PRAMEF19: variants seen among roughly 807,000 people sequenced by gnomAD.
PRAMEF19 encodes the protein PRAME family member-like.
PRAMEF19 carries 21 observed loss-of-function variants against 33.1 expected under a neutral mutation model. The observed-to-expected ratio is 0.63, with a 90% CI of 0.45 to 0.91. The LOEUF is 0.91. Ranked by LOEUF, PRAMEF19 falls within the 40% of genes least tolerant of loss-of-function variation. PRAMEF19 has a pLI of 0.00. For synonymous variants in PRAMEF19, 179 were observed against 229.3 expected (o/e 0.78, Z 1.98); for missense variants, 481 against 585.2 (o/e 0.82, Z 1.84).
chr1:13,369,496 A>G, exon 3 of PRAMEF19: 1 of 1,613,970 alleles, frequency 6.2e-7, no homozygotes, highest in Non-Finnish European at 8.5e-7. Context: ...GGAGGGGCTC[A>G]AGACGGATGA....
At chr1:13,368,825 A>C (rs1347512442), downstream of PRAMEF19, among the ~76,000 whole-genome samples, 3 of 151,742 alleles carry the variant, frequency 2.0e-5, no homozygotes, top group African/African-American at 7.3e-5. Context: ...TTTATAATAC[A>C]CCTATAGACC....
exon 3 of PRAMEF19, chr1:13,369,217 G>A (rs745582036): frequency 6.2e-7 from 1 of 1,611,898 alleles, no homozygotes; most frequent in African/African-American, 1.3e-5. Context: ...GAAGTGGGGT[G>A]AGGAGCTCCG....
chr1:13,369,219 G>A, exon 3 of PRAMEF19: 2 of 1,612,012 alleles, frequency 1.2e-6, no homozygotes, highest in South Asian at 2.2e-5. Flanking sequence ...AGTGGGGTGA[G>A]GAGCTCCGAA....
chr1:13,370,611 G>A (rs1158828851), intron 2 of PRAMEF19, 38 bp downstream of exon 2: 34 of 1,612,426 alleles, frequency 2.1e-5, no homozygotes, highest in Non-Finnish European at 2.8e-5. Context: ...AAAAGGCTGT[G>A]CTGTGTCCCC....
exon 3 of PRAMEF19, chr1:13,369,522 G>A (rs1640644671): frequency 6.2e-7 from 1 of 1,613,948 alleles, no homozygotes; most frequent in Non-Finnish European, 8.5e-7. Context: ...AGTGTACCAT[G>A]ACTCAGATTC....
In PRAMEF19 at chr1:13,369,335, A is replaced by G. The variant is rs1319963622; in HGVS notation, c.1172T>C (p.Met391Thr). 15 of 1,612,066 alleles carry G rather than the reference A, an allele frequency of 9.3e-6. No homozygotes were observed. The African/African-American group carries it at 1.7e-4, about 19-fold the overall frequency. The change falls in exon 3 of 3, where the codon ATG becomes ACG. Residue 391 changes from methionine (M) to threonine (T), a missense_variant. Met to Thr is a moderately conservative substitution (Grantham distance 81). Coordinates refer to ENST00000376101, the Ensembl canonical transcript of PRAMEF19. ...GCGCAGCAGGTCCTTCAGACCATCC[A>G]TGGACGTGTCATTGCCGTGAAAGCA...
At chr1:13,371,895 G>A (rs1640677114) in exon 1 of PRAMEF19, 3 of 1,612,010 alleles carry the variant, frequency 1.9e-6, no homozygotes, top group African/African-American at 2.7e-5. Context: ...GGGCCTGGAA[G>A]CTCATCCTGA....
exon 1 of PRAMEF19, chr1:13,371,797 A>T: frequency 2.5e-6 from 4 of 1,611,608 alleles, no homozygotes; most frequent in Non-Finnish European, 3.4e-6. Context: ...TCGGGGGAAG[A>T]GCTCCCTGGG....
chr1:13,369,056 C>G, downstream of PRAMEF19: 1 of 1,611,928 alleles, frequency 6.2e-7, no homozygotes, highest in Non-Finnish European at 8.5e-7. Context: ...GCTTTTTATA[C>G]CTCCACCCCA....
At chr1:13,370,757 C>A (rs1283383837) in exon 2 of PRAMEF19, 2 of 1,613,756 alleles carry the variant, frequency 1.2e-6, no homozygotes, top group Non-Finnish European at 1.7e-6. Context: ...AACTAACTGT[C>A]CTTGGCTCTC....
chr1:13,369,615 A>G (rs1569833658), exon 3 of PRAMEF19: 17 of 1,613,814 alleles, frequency 1.1e-5, no homozygotes, highest in Non-Finnish European at 1.3e-5. Flanking sequence ...GTTAATGCCA[A>G]TGTCTCCAAC....
At chr1:13,369,320 T>C in exon 3 of PRAMEF19, 10 of 1,612,018 alleles carry the variant, frequency 6.2e-6, no homozygotes, top group Non-Finnish European at 8.5e-6. Context: ...GCGCAGCAGG[T>C]CCTTCAGACC....
rs1477106725 is a variant in PRAMEF19, at chr1:13,370,942, G to A, written c.573C>T (p.Asn191=). The A allele has an allele frequency of 5.6e-6, 9 of 1,613,432 alleles. No homozygotes were observed. The Admixed American group carries it at 6.7e-5, about 12-fold the overall frequency. The change falls in exon 2 of 3, where the codon AAC becomes AAT. Residue 191 remains asparagine (N), a synonymous_variant. Coordinates refer to ENST00000376101, the Ensembl canonical transcript of PRAMEF19. ...CTAATATGTTTCTGAAATTTAGAAT[G>A]TTCATTGAATAATTTACCACCTTAG... is the stretch of plus-strand genomic sequence containing the variant.
At chr1:13,369,722 G>C in intron 2 of PRAMEF19, 82 bp from the exon 3 acceptor site, 2 of 1,584,892 alleles carry the variant, frequency 1.3e-6, no homozygotes, top group East Asian at 2.2e-5. Context: ...GGAAGAGCCT[G>C]TTTTGCCCAA....
At chr1:13,370,697 T>G in exon 2 of PRAMEF19, 1 of 1,613,928 alleles carries the variant, frequency 6.2e-7, no homozygotes, top group Non-Finnish European at 8.5e-7. Context: ...CCTTCTCATA[T>G]AAAGCATCTG....
chr1:13,369,681 T>A, intron 2 of PRAMEF19, 41 bp from the exon 3 acceptor site: 1 of 1,612,432 alleles, frequency 6.2e-7, no homozygotes. Flanking sequence ...ATGGCACCAG[T>A]TAGAGGACGG....
chr1:13,370,780 G>C lies in PRAMEF19; in HGVS notation c.735C>G (p.Tyr245Ter). ...GTCCTTGGCTCTCAAAGCTTGGCAG[G>C]TAACCACAGCCATCGGAGATGAAGA... The change falls in exon 2 of 3, where the codon TAC becomes TAG. Residue 245 changes from tyrosine to a stop codon, truncating the protein, a stop_gained. Transcript: ENST00000376101. LOFTEE classifies it high-confidence loss of function. The C allele has an allele frequency of 6.2e-7, 1 of 1,613,914 alleles. No homozygotes were observed.
intron 2 of PRAMEF19, among the ~76,000 whole-genome samples, chr1:13,370,172 G>A (rs1344420572): frequency 1.3e-5 from 2 of 152,216 alleles, no homozygotes; most frequent in African/African-American, 4.8e-5. Flanking sequence ...GATCATTCAC[G>A]TTCACTAAGC....
exon 1 of PRAMEF19, chr1:13,371,874 G>A: frequency 1.9e-6 from 3 of 1,611,966 alleles, no homozygotes; most frequent in Non-Finnish European, 2.5e-6. Flanking sequence ...CCAGCTCCAG[G>A]AGTCTGCGTG....
Sources: gnomAD v4.1 joint callset for allele counts (sites outside exome capture counted in the v4.1 genomes callset) on GRCh38, gnomAD v4.1.1 for gene constraint, MANE v1.5 for transcripts, NCBI Gene and HGNC (gene_info 2026-07-23, HGNC 2026-07-21) for gene names.